CLUL1: variants seen among roughly 807,000 people sequenced by gnomAD.
The protein encoded by CLUL1 is clusterin-like protein 1.
Under a neutral mutation model 49.4 loss-of-function variants are expected in CLUL1, and 43 were observed. The ratio of observed to expected loss-of-function variants is 0.87; its 90% CI spans 0.68 to 1.12. CLUL1 has a LOEUF of 1.12. Ranked by LOEUF, CLUL1 falls within the 50% of genes most tolerant of loss-of-function variation. The pLI is 0.00. For synonymous variants in CLUL1, 192 were observed against 184.9 expected, an observed-to-expected ratio of 1.04 and a Z score of -0.31; for missense variants, 486 against 544.4, an observed-to-expected ratio of 0.89 and a Z score of 1.07.
At position 623,332 on chromosome 18, in the gene CLUL1, C is replaced by T. The variant is rs73364469; in HGVS notation, c.256-1533C>T. Among the ~76,000 whole-genome samples the T allele has an allele frequency of 5.3e-3, 799 of 152,136 alleles. 8 individuals are homozygous for T. Among genetic ancestry groups the T allele is most frequent in the African/African-American group, 0.018 (750 of 41,506 alleles). ...ACAGGTGTGAGCCACTGCACCCTGC[C>T]GAAAAACAACCACTTTAAGATGTAA... On this transcript the variant is annotated intron_variant, in intron 4 of 9. Transcript: ENST00000692774.
At chr18:602,759 G>A (rs540167956) in intron 1 of CLUL1, among the ~76,000 whole-genome samples, 1 of 152,276 alleles carries the variant, frequency 6.6e-6, no homozygotes, top group East Asian at 1.9e-4. Context: ...AATGCATCTT[G>A]AGCTGAACAC....
At chr18:637,603 CG>C in intron 7 of CLUL1, among the ~76,000 whole-genome samples, 1 of 152,064 alleles carries the variant, frequency 6.6e-6, no homozygotes, top group East Asian at 1.9e-4. Flanking sequence ...GGCAGAAAAG[CG>C]TTTGGAAAGC....
chr18:634,385 G>A (rs2074081995), intron 7 of CLUL1, among the ~76,000 whole-genome samples: 1 of 152,126 alleles, frequency 6.6e-6, no homozygotes, highest in Non-Finnish European at 1.5e-5. Flanking sequence ...GCCCACCTCG[G>A]CCTCCCAAAG....
At chr18:632,209 C>G (rs560427565) in intron 6 of CLUL1, among the ~76,000 whole-genome samples, 1 of 152,054 alleles carries the variant, frequency 6.6e-6, no homozygotes, top group African/African-American at 2.4e-5. Flanking sequence ...TGTTAATTCT[C>G]CTAGGGGAAA....
intron 8 of CLUL1, among the ~76,000 whole-genome samples, chr18:643,435 T>C (rs182586006): frequency 1.3e-5 from 2 of 152,360 alleles, no homozygotes; most frequent in East Asian, 1.9e-4. Context: ...CTCGCATATA[T>C]AGACTTTTAG....
At position 649,979 on chromosome 18, in the gene CLUL1, G is replaced by T; in HGVS notation, c.*78G>T. The stretch of plus-strand genomic sequence containing the variant: ...ACCTGGAAATCCTGAAATAAAAAAG[G>T]ATAATGCAATAAACACAGTTGCAGG... On this transcript the variant is annotated 3_prime_UTR_variant, in exon 10 of 10. Transcript: ENST00000692774. 1.0e-6 allele frequency: 1 copy of T among 989,636 alleles called. No homozygotes were observed. 61.3% of individuals were successfully genotyped at this position (989,636 alleles called of 1,614,324 possible).
At position 606,241 on chromosome 18, in the gene CLUL1, A is replaced by G. The variant is rs537133980; in HGVS notation, c.-135-737A>G. Among the ~76,000 whole-genome samples the G allele has an allele frequency of 6.6e-6, 1 of 152,300 alleles. No homozygotes were observed. The highest frequency in any genetic ancestry group is 2.1e-4 in the South Asian group (1 of 4,826). ...ACTACCACCACAGTGCAGACCCACA[A>G]CAGGGAGAAGGACGGCCACAGTCCC... On this transcript the variant is annotated intron_variant, in intron 1 of 9. Transcript: ENST00000692774. The surrounding 1 kb of genome is among the most constrained non-coding windows in gnomAD (Gnocchi z 4.1).
chr18:600,185 A>G (rs2072785019), intron 1 of CLUL1, among the ~76,000 whole-genome samples: 1 of 149,480 alleles, frequency 6.7e-6, no homozygotes, highest in South Asian at 2.1e-4. Context: ...CAAGATTCGA[A>G]CAATCCATTT....
chr18:623,623 C>A (rs1307403003), intron 4 of CLUL1, among the ~76,000 whole-genome samples: 1 of 121,338 alleles, frequency 8.2e-6, no homozygotes, highest in Non-Finnish European at 1.6e-5. Flanking sequence ...CCAGCCTGGG[C>A]GACACAGCCA....
At chr18:599,962 A>T (rs1026506472) in intron 1 of CLUL1, among the ~76,000 whole-genome samples, 1 of 151,570 alleles carries the variant, frequency 6.6e-6, no homozygotes, top group Non-Finnish European at 1.5e-5. Flanking sequence ...AAAAAAAAAA[A>T]TTAATAATAA....
At chr18:625,473 C>A (rs1415853244) in intron 5 of CLUL1, among the ~76,000 whole-genome samples, 1 of 151,876 alleles carries the variant, frequency 6.6e-6, no homozygotes, top group African/African-American at 2.4e-5. Flanking sequence ...AAGATACTCT[C>A]TGCCTCCCAA....
intron 2 of CLUL1, among the ~76,000 whole-genome samples, chr18:609,478 C>G (rs1242631695): frequency 6.6e-6 from 1 of 151,998 alleles, no homozygotes; most frequent in African/African-American, 2.4e-5. Context: ...TGACTGTGAC[C>G]CCATCACATG....
chr18:609,211 C>T (rs1411927366), intron 2 of CLUL1, among the ~76,000 whole-genome samples: 1 of 152,080 alleles, frequency 6.6e-6, no homozygotes, highest in Non-Finnish European at 1.5e-5. Flanking sequence ...TACATTGAAC[C>T]ATCAGGAAGC....
chr18:634,578 C>T (rs1450924733), intron 7 of CLUL1, among the ~76,000 whole-genome samples: 1 of 152,158 alleles, frequency 6.6e-6, no homozygotes, highest in East Asian at 1.9e-4. Flanking sequence ...GCAACTCCTT[C>T]CTTCTTACCG....
At chr18:625,518 A>AACACACACACACACACACAC (rs3221054) in intron 5 of CLUL1, among the ~76,000 whole-genome samples, 2 of 144,632 alleles carry the variant, frequency 1.4e-5, no homozygotes, top group East Asian at 2.1e-4. Flanking sequence ...CCTTATGCAT[A>AACACACACACACACACACAC]ACACACACAC....
intron 2 of CLUL1, chr18:612,746 T>C (rs893487294): frequency 6.6e-6 from 1 of 152,206 alleles, no homozygotes; most frequent in African/African-American, 2.4e-5. Context: ...GCTTCTATAT[T>C]TATTTGTGTA....
chr18:635,287 C>T (rs1039551207), intron 7 of CLUL1, among the ~76,000 whole-genome samples: 5 of 152,104 alleles, frequency 3.3e-5, no homozygotes, highest in African/African-American at 7.2e-5. Context: ...TCCTAAGGAG[C>T]GCTCAACCTA....
chr18:628,995 C>G (rs191789800), intron 6 of CLUL1, among the ~76,000 whole-genome samples: 44 of 152,282 alleles, frequency 2.9e-4, no homozygotes, highest in African/African-American at 1.0e-3. Context: ...ATTATATTAG[C>G]TGTAGCTGGC....
rs201487138 is a variant in CLUL1, at chr18:624,902, T to C, written c.293T>C (p.Leu98Pro). The C allele has an allele frequency of 3.7e-6, 6 of 1,614,166 alleles. No individual in the cohort carries two copies. The highest frequency in any genetic ancestry group is 1.1e-5 in the South Asian group (1 of 91,074). Residue 98 changes from leucine to proline, a missense_variant, in exon 5 of 10, where the codon CTG becomes CCG. By Grantham distance (98) the Leu-to-Pro change is moderately conservative. Coordinates refer to ENST00000692774, the MANE Select transcript of CLUL1 (RefSeq NM_001393344.1). ...LKLLNEVQEH[L>P]EEEERLCRES... ...CTTCTGAATGAAGTTCAAGAACATC[T>C]GGAGGAAGAAGAAAGGCTATGCCGG...
Sources: allele counts gnomAD v4.1 joint callset (sites outside exome capture counted in the v4.1 genomes callset), GRCh38; gene constraint gnomAD v4.1.1; non-coding constraint Gnocchi (gnomAD v3.1); transcripts MANE v1.5; gene names NCBI Gene and HGNC (gene_info 2026-07-23, HGNC 2026-07-21).